Variants in GPM6A observed in about 807,000 individuals in gnomAD.
GPM6A encodes the protein glycoprotein M6A, also known as neuronal membrane glycoprotein M6-a.
In GPM6A, 7 loss-of-function variants were observed where a neutral mutation model predicts 32.1. The observed-to-expected ratio is 0.22, with a 90% CI of 0.12 to 0.41. The LOEUF is 0.41. GPM6A is among the 10% of genes least tolerant of loss of function. The pLI is 1.00. For synonymous variants in GPM6A, 130 were observed against 123.4 expected (o/e 1.05, Z -0.35); for missense variants, 235 against 347.2 (o/e 0.68, Z 2.57).
chr4:175,774,263 G>A (rs781029971), intron 1 of GPM6A, among the ~76,000 whole-genome samples: 3 of 151,932 alleles, frequency 2.0e-5, no homozygotes, highest in South Asian at 2.1e-4. Context: ...TCTTTCTTCC[G>A]AACCAAAGGT....
chr4:175,716,186 T>C (rs1289708614), intron 1 of GPM6A, among the ~76,000 whole-genome samples: 1 of 152,186 alleles, frequency 6.6e-6, no homozygotes, highest in Non-Finnish European at 1.5e-5. Context: ...AAAATATGTC[T>C]CAACAACCAA....
intron 1 of GPM6A, among the ~76,000 whole-genome samples, chr4:175,747,780 G>C (rs1732167315): frequency 6.6e-6 from 1 of 150,670 alleles, no homozygotes; most frequent in African/African-American, 2.4e-5. Context: ...CTTAAAATAA[G>C]ACAACAGTGA....
intron 1 of GPM6A, among the ~76,000 whole-genome samples, chr4:175,854,467 T>G (rs960991582): frequency 1.3e-5 from 2 of 152,206 alleles, no homozygotes; most frequent in African/African-American, 4.8e-5. Flanking sequence ...TAACTAGGAC[T>G]GGATTTACCT....
At chr4:175,931,700 A>C (rs939084992) in intron 1 of GPM6A, among the ~76,000 whole-genome samples, 1 of 149,154 alleles carries the variant, frequency 6.7e-6, no homozygotes, top group South Asian at 2.3e-4. Flanking sequence ...ACACACACAC[A>C]CACACACACA....
intron 3 of GPM6A, among the ~76,000 whole-genome samples, chr4:175,656,535 C>A (rs1270116745): frequency 1.3e-5 from 2 of 152,072 alleles, no homozygotes; most frequent in Non-Finnish European, 2.9e-5. Flanking sequence ...ATTCTAATCA[C>A]TTTTAGAAAT....
chr4:175,995,549 C>T (rs1248251834), intron 1 of GPM6A, among the ~76,000 whole-genome samples: 4 of 152,154 alleles, frequency 2.6e-5, no homozygotes, highest in Non-Finnish European at 5.9e-5. Context: ...CAGTTTTTCT[C>T]GTTGCATGCC....
At chr4:175,951,174 A>G (rs1739799241) in intron 1 of GPM6A, among the ~76,000 whole-genome samples, 1 of 152,166 alleles carries the variant, frequency 6.6e-6, no homozygotes, top group East Asian at 1.9e-4. Flanking sequence ...TGAACTCCCC[A>G]TGGAATGAAA....
chr4:175,828,223 T>C (rs1302158647), intron 1 of GPM6A, among the ~76,000 whole-genome samples: 2 of 152,162 alleles, frequency 1.3e-5, no homozygotes, highest in Non-Finnish European at 2.9e-5. Flanking sequence ...TATCACCAAG[T>C]AGAATTGTCT....
chr4:175,941,708 C>T (rs1217027045), intron 1 of GPM6A, among the ~76,000 whole-genome samples: 2 of 152,208 alleles, frequency 1.3e-5, no homozygotes, highest in Non-Finnish European at 2.9e-5. Flanking sequence ...CTGCAAAGGA[C>T]ATGAACTCAT....
At chr4:175,978,610 G>A (rs1019564495) in intron 1 of GPM6A, among the ~76,000 whole-genome samples, 1 of 152,082 alleles carries the variant, frequency 6.6e-6, no homozygotes, top group African/African-American at 2.4e-5. Flanking sequence ...TTTTTACAAT[G>A]AGTCAATGCT....
intron 1 of GPM6A, among the ~76,000 whole-genome samples, chr4:175,877,202 C>A (rs966940078): frequency 6.6e-6 from 1 of 152,128 alleles, no homozygotes; most frequent in Non-Finnish European, 1.5e-5. Context: ...ATCCTCTGCA[C>A]CTGATTCCAG....
At chr4:175,754,264 A>T (rs188779966) in intron 1 of GPM6A, among the ~76,000 whole-genome samples, 13 of 152,224 alleles carry the variant, frequency 8.5e-5, no homozygotes, top group Admixed American at 2.0e-4. Context: ...GATATGCTCA[A>T]GTTAGTTGGC....
intron 1 of GPM6A, among the ~76,000 whole-genome samples, chr4:175,996,837 GGCT>G (rs1181609962): frequency 5.2e-4 from 79 of 151,982 alleles, no homozygotes; most frequent in Non-Finnish European, 9.3e-4. Context: ...TCAATTAGTC[GGCT>G]ACCCTCAATT....
At chr4:175,716,465 T>A (rs73004348) in intron 1 of GPM6A, among the ~76,000 whole-genome samples, 108 of 142,086 alleles carry the variant, frequency 7.6e-4, no homozygotes, top group African/African-American at 2.7e-3. Flanking sequence ...TATACTATAA[T>A]CTTAAATTTG....
At chr4:175,971,451 C>A (rs1042654261) in intron 1 of GPM6A, among the ~76,000 whole-genome samples, 2 of 152,088 alleles carry the variant, frequency 1.3e-5, no homozygotes, top group African/African-American at 4.8e-5. Flanking sequence ...TCTTTAAAAA[C>A]CTCATTCATC....
At position 175,922,384 on chromosome 4, in the gene GPM6A, C is replaced by T. The variant is rs184621328; in HGVS notation, c.-23+79925G>A. 8.8e-3 allele frequency among the ~76,000 whole-genome samples: 1,340 copies of T among 152,222 alleles called. 68 individuals carry two copies. Among genetic ancestry groups the T allele is most frequent in the Admixed American group, 0.082 (1,256 of 15,284 alleles). ...TCCACATCTTTATGCTAAAAGTTCCCTTGGACTCTTCAGCCTGATATTAGT... is the reference window on the plus strand; with the variant it reads ...TCCACATCTTTATGCTAAAAGTTCCTTTGGACTCTTCAGCCTGATATTAGT... On this transcript the variant is annotated intron_variant, in intron 1 of 7. Coordinates refer to the GPM6A transcript ENST00000280187.
chr4:175,640,654 A>G, intron 5 of GPM6A, 99 bp downstream of exon 5: 1 of 823,708 alleles, frequency 1.2e-6, no homozygotes, highest in South Asian at 1.5e-5. Context: ...GATAGAATAA[A>G]GGGAAAAGTC....
At chr4:175,995,317 T>C (rs977735268) in intron 1 of GPM6A, among the ~76,000 whole-genome samples, 2 of 145,154 alleles carry the variant, frequency 1.4e-5, no homozygotes, top group African/African-American at 2.6e-5. Context: ...CCTTGTGAGA[T>C]ATAGTTCTTA....
At chr4:175,826,811 TAGCC>T (rs1486172084) in intron 1 of GPM6A, among the ~76,000 whole-genome samples, 3 of 152,092 alleles carry the variant, frequency 2.0e-5, no homozygotes, top group African/African-American at 7.2e-5. Flanking sequence ...GAGAGATCAC[TAGCC>T]TTTTAGGAAA....
Sources: gnomAD v4.1 joint callset for allele counts (sites outside exome capture counted in the v4.1 genomes callset) on GRCh38, gnomAD v4.1.1 for gene constraint, MANE v1.5 for transcripts, NCBI Gene and HGNC (gene_info 2026-07-23, HGNC 2026-07-21) for gene names.